Variants in GALNT13 observed in about 807,000 individuals in gnomAD.
GALNT13 encodes the protein UDP-GalNAc:polypeptide N-acetylgalactosaminyltransferase 13.
A neutral mutation model predicts 64.2 loss-of-function variants in GALNT13; 28 were observed. The observed-to-expected ratio is 0.44, with a 90% CI of 0.32 to 0.60. The LOEUF is 0.60. Ranked by LOEUF, GALNT13 falls within the 20% of genes least tolerant of loss-of-function variation. The probability of loss-of-function intolerance (pLI) is 0.05; values close to 1 mark genes in which losing one functional copy is unlikely to be tolerated. For missense variants in GALNT13, 577 were observed against 669.8 expected (o/e 0.86, Z 1.53); for synonymous variants, 214 against 224.6 (o/e 0.95, Z 0.42).
At chr2:153,166,621 A>ATGTGTGTGTGTGTGTGTGTGTG in the GALNT13 span, among the ~76,000 whole-genome samples, 1 of 122,662 alleles carries the variant, frequency 8.2e-6, no homozygotes, top group East Asian at 2.3e-4. Context: ...TGCCTACTGC[A>ATGTGTGTGTGTGTGTGTGTGTG]TGTGTGTGTG....
chr2:154,053,735 G>T (rs146458277), intron 3 of GALNT13, among the ~76,000 whole-genome samples: 1 of 152,236 alleles, frequency 6.6e-6, no homozygotes, highest in Non-Finnish European at 1.5e-5. Flanking sequence ...AGATTTTAAA[G>T]AAACAAAATT....
chr2:153,433,258 T>C, the GALNT13 span, among the ~76,000 whole-genome samples: 186 of 152,290 alleles, frequency 1.2e-3, 1 homozygote, highest in African/African-American at 4.3e-3. Flanking sequence ...AAATAAGAAA[T>C]TGTGGTCTTA....
At chr2:153,999,962 T>C (rs756879274) in intron 3 of GALNT13, among the ~76,000 whole-genome samples, 10 of 152,072 alleles carry the variant, frequency 6.6e-5, no homozygotes, top group Non-Finnish European at 1.2e-4. Flanking sequence ...TTGTCTTTGA[T>C]AGGAGAGTCT....
the GALNT13 span, among the ~76,000 whole-genome samples, chr2:153,864,664 A>G: frequency 2.0e-5 from 3 of 152,224 alleles, no homozygotes; most frequent in South Asian, 6.2e-4. Flanking sequence ...AAAAGAGGAT[A>G]CAAACAAATG....
chr2:154,218,427 A>G (rs2105816655), intron 4 of GALNT13, among the ~76,000 whole-genome samples: 1 of 152,056 alleles, frequency 6.6e-6, no homozygotes, highest in South Asian at 2.1e-4. Context: ...CCCTCCCTTC[A>G]CCTCCAATCC....
At chr2:154,009,560 G>T (rs7571062) in intron 3 of GALNT13, among the ~76,000 whole-genome samples, 1 of 149,038 alleles carries the variant, frequency 6.7e-6, no homozygotes, top group Non-Finnish European at 1.5e-5. Context: ...GCATGATCTC[G>T]GCTGACTGCA....
At chr2:154,446,176 A>G (rs1701563689) in intron 12 of GALNT13, among the ~76,000 whole-genome samples, 1 of 152,086 alleles carries the variant, frequency 6.6e-6, no homozygotes, top group Admixed American at 6.6e-5. Context: ...GGGTGAAAGA[A>G]TGAGGAGGCC....
At chr2:153,370,610 AG>A in the GALNT13 span, 4 of 152,204 alleles carry the variant, frequency 2.6e-5, no homozygotes, top group East Asian at 3.9e-4. Context: ...CTTGTCACAA[AG>A]ATGTCACTAA....
At chr2:153,808,508 T>C in the GALNT13 span, among the ~76,000 whole-genome samples, 1 of 152,188 alleles carries the variant, frequency 6.6e-6, no homozygotes, top group African/African-American at 2.4e-5. Flanking sequence ...CCCTCGGTTT[T>C]TAACTATCTT....
intron 3 of GALNT13, among the ~76,000 whole-genome samples, chr2:153,974,591 C>T (rs749804931): frequency 3.3e-5 from 5 of 151,770 alleles, no homozygotes; most frequent in Non-Finnish European, 5.9e-5. Flanking sequence ...TAACAAATAA[C>T]CTATAGAGTA....
intron 9 of GALNT13, among the ~76,000 whole-genome samples, chr2:154,324,996 T>C (rs1274361081): frequency 6.6e-6 from 1 of 152,102 alleles, no homozygotes; most frequent in Admixed American, 6.6e-5. Flanking sequence ...TGTTTGTTCA[T>C]GGGAGACCCA....
intron 3 of GALNT13, among the ~76,000 whole-genome samples, chr2:154,027,901 A>G (rs1698081226): frequency 1.3e-5 from 2 of 152,182 alleles, no homozygotes; most frequent in African/African-American, 4.8e-5. Context: ...TGTATCTCAT[A>G]TATTATTACA....
the GALNT13 span, among the ~76,000 whole-genome samples, chr2:153,176,040 C>G: frequency 1.6e-4 from 24 of 152,132 alleles, no homozygotes; most frequent in East Asian, 3.3e-3. Context: ...AGCTGGTCTC[C>G]CAAGTGATTT....
At chr2:153,346,841 T>C in the GALNT13 span, among the ~76,000 whole-genome samples, 2 of 152,224 alleles carry the variant, frequency 1.3e-5, no homozygotes, top group African/African-American at 2.4e-5. Flanking sequence ...ATTGTAATTC[T>C]ATATCATAGG....
chr2:153,202,231 G>A, the GALNT13 span, among the ~76,000 whole-genome samples: 3 of 151,674 alleles, frequency 2.0e-5, no homozygotes, highest in African/African-American at 4.8e-5. Context: ...TGATCCACCC[G>A]CCTCGGCCTC....
intron 1 of GALNT13, among the ~76,000 whole-genome samples, chr2:153,895,877 A>G (rs1687852728): frequency 6.6e-6 from 1 of 151,636 alleles, no homozygotes; most frequent in South Asian, 2.1e-4. Flanking sequence ...TCAGAAAATA[A>G]GTAAATGATG....
chr2:153,737,727 G>T, the GALNT13 span, among the ~76,000 whole-genome samples: 2 of 151,986 alleles, frequency 1.3e-5, no homozygotes, highest in Non-Finnish European at 2.9e-5. Context: ...GTGTTTAAGA[G>T]CAGAAAACAG....
intron 4 of GALNT13, among the ~76,000 whole-genome samples, chr2:154,205,084 G>A (rs1054851722): frequency 1.5e-4 from 23 of 152,196 alleles, no homozygotes; most frequent in African/African-American, 5.3e-4. Context: ...CATAATCATC[G>A]GGTGAATAGG....
At chr2:154,127,115 AAGG>A (rs1394361802) in intron 3 of GALNT13, among the ~76,000 whole-genome samples, 1 of 152,178 alleles carries the variant, frequency 6.6e-6, no homozygotes, top group East Asian at 1.9e-4. Flanking sequence ...TTAGTGATGC[AAGG>A]AGAAAATATT....
Sources: allele counts gnomAD v4.1 joint callset (sites outside exome capture counted in the v4.1 genomes callset), GRCh38; gene constraint gnomAD v4.1.1; transcripts MANE v1.5; gene names NCBI Gene and HGNC (gene_info 2026-07-23, HGNC 2026-07-21).